Variants in ABCB11 observed in about 807,000 individuals in gnomAD.
ABCB11 encodes ATP binding cassette subfamily B member 11.
Under a neutral mutation model 148.0 loss-of-function variants are expected in ABCB11, and 95 were observed. The observed-to-expected ratio is 0.64, with a 90% CI of 0.54 to 0.76. ABCB11 has a LOEUF of 0.76. ABCB11 is among the 30% of genes least tolerant of loss of function. ABCB11 has a pLI of 0.00. For missense variants in ABCB11, 1,523 were observed against 1,617.8 expected (o/e 0.94, Z 1.01); for synonymous variants, 591 against 555.4 (o/e 1.06, Z -0.90).
chr2:168,923,328 T>G lies in ABCB11; in HGVS notation c.*294A>C, dbSNP rs1029157758. ...CCACATATTAATCAGGACTGGCTCCTGCACAGAGAAGCACTGAGTGGTGGC... is the reference window on the plus strand; with the variant it reads ...CCACATATTAATCAGGACTGGCTCCGGCACAGAGAAGCACTGAGTGGTGGC... On this transcript the variant is annotated 3_prime_UTR_variant, in exon 28 of 28. Transcript: ENST00000650372. 2 of 500,300 alleles carry G rather than the reference T, an allele frequency of 4.0e-6. No homozygotes were observed. The highest frequency in any genetic ancestry group is 7.2e-6 in the Non-Finnish European group (2 of 278,500). 31.0% of individuals were successfully genotyped at this position (500,300 alleles called of 1,614,324 possible).
At chr2:169,016,823 A>G (rs1695372488) in intron 2 of ABCB11, 24 bp from the exon 3 acceptor site, 2 of 1,568,544 alleles carry the variant, frequency 1.3e-6, no homozygotes, top group Non-Finnish European at 1.7e-6. Context: ...AAATCAACGC[A>G]AAAAAGCAGT....
chr2:168,962,182 A>G (rs1445856878), intron 18 of ABCB11, among the ~76,000 whole-genome samples: 1 of 151,666 alleles, frequency 6.6e-6, no homozygotes, highest in Middle Eastern at 3.2e-3. Flanking sequence ...CTTTAGTATA[A>G]TCACATTGGC....
At chr2:169,005,371 C>A (rs1183626371) in intron 5 of ABCB11, among the ~76,000 whole-genome samples, 2 of 151,996 alleles carry the variant, frequency 1.3e-5, no homozygotes, top group Admixed American at 6.6e-5. Context: ...GGGCTTGCTG[C>A]AGCTGCTGTG....
At chr2:168,972,796 G>C (rs1693643233) in intron 13 of ABCB11, among the ~76,000 whole-genome samples, 1 of 151,972 alleles carries the variant, frequency 6.6e-6, no homozygotes, top group Admixed American at 6.6e-5. Context: ...GAATAATTTT[G>C]AGACAGAGTG....
At chr2:168,987,025 T>C (rs1221857796) in intron 9 of ABCB11, among the ~76,000 whole-genome samples, 1 of 152,170 alleles carries the variant, frequency 6.6e-6, no homozygotes, top group Non-Finnish European at 1.5e-5. Flanking sequence ...AACACTACAC[T>C]GTCTCTTTTA....
At chr2:168,936,582 A>C in intron 21 of ABCB11, 149 bp from the exon 22 acceptor site, 1 of 731,160 alleles carries the variant, frequency 1.4e-6, no homozygotes, top group South Asian at 2.0e-5. Flanking sequence ...TGTACAATTC[A>C]GTGGCATTTC....
intron 19 of ABCB11, among the ~76,000 whole-genome samples, chr2:168,950,648 G>A (rs1692522463): frequency 6.6e-6 from 1 of 150,974 alleles, no homozygotes; most frequent in South Asian, 2.1e-4. Flanking sequence ...TGTTGCTTGA[G>A]TTGAGTTCCC....
intron 11 of ABCB11, among the ~76,000 whole-genome samples, chr2:168,977,037 A>G (rs974526615): frequency 1.3e-5 from 2 of 148,264 alleles, no homozygotes; most frequent in Non-Finnish European, 3.0e-5. Flanking sequence ...TAATTAATTT[A>G]TTTAATTGTT....
intron 11 of ABCB11, among the ~76,000 whole-genome samples, chr2:168,977,158 AAT>A (rs1247760704): frequency 6.7e-6 from 1 of 148,304 alleles, no homozygotes; most frequent in Non-Finnish European, 1.5e-5. Context: ...ATATGTTAAC[AAT>A]ATTATTATAT....
intron 18 of ABCB11, among the ~76,000 whole-genome samples, chr2:168,962,197 C>T (rs960592647): frequency 7.9e-5 from 12 of 151,638 alleles, no homozygotes; most frequent in African/African-American, 2.7e-4. Flanking sequence ...ATTGGCTCTC[C>T]TATCATTTTT....
chr2:168,964,420 G>T, intron 17 of ABCB11, 112 bp from the exon 18 acceptor site: 1 of 867,872 alleles, frequency 1.2e-6, no homozygotes, highest in Admixed American at 2.3e-5. Flanking sequence ...TGTTTGGTAG[G>T]TCACATGGTA....
In ABCB11 at chr2:168,921,563, C is replaced by G. The variant is rs1357620932; in HGVS notation, c.*2059G>C. Among the ~76,000 whole-genome samples the G allele has an allele frequency of 1.3e-5, 2 of 152,142 alleles. No homozygotes were observed. Among genetic ancestry groups the G allele is most frequent in the African/African-American group, 4.8e-5 (2 of 41,436 alleles). On this transcript the variant is annotated 3_prime_UTR_variant, in exon 28 of 28. Coordinates refer to ENST00000650372, the MANE Select transcript of ABCB11 (RefSeq NM_003742.4). ...ATATGTTCTCTTGACCCATTGAACA[C>G]ATTTATTACCATTTTTTGAGTGTTT...
intron 3 of ABCB11, among the ~76,000 whole-genome samples, chr2:169,016,146 C>T (rs1051118568): frequency 2.6e-5 from 4 of 152,146 alleles, no homozygotes; most frequent in Admixed American, 2.6e-4. Flanking sequence ...CAATAAGAAA[C>T]GTGTGGCTCT....
intron 11 of ABCB11, 75 bp from the exon 12 acceptor site, chr2:168,976,762 A>G: frequency 1.1e-6 from 1 of 890,398 alleles, no homozygotes; most frequent in Non-Finnish European, 1.8e-6. Flanking sequence ...TGTAAATTCA[A>G]ATAAACATCT....
intron 23 of ABCB11, 95 bp downstream of exon 23, chr2:168,935,089 G>GTC: frequency 6.6e-7 from 1 of 1,512,404 alleles, no homozygotes; most frequent in Non-Finnish European, 9.0e-7. Flanking sequence ...CCAAGCTTGG[G>GTC]ATGGTTTGCT....
At chr2:169,025,793 C>A (rs1695677080) in intron 1 of ABCB11, among the ~76,000 whole-genome samples, 1 of 152,210 alleles carries the variant, frequency 6.6e-6, no homozygotes, top group Admixed American at 6.5e-5. Flanking sequence ...TCAGTGAGCA[C>A]CAAGAATACA....
At chr2:169,009,016 C>A (rs1365448133) in intron 5 of ABCB11, among the ~76,000 whole-genome samples, 1 of 152,092 alleles carries the variant, frequency 6.6e-6, no homozygotes, top group Non-Finnish European at 1.5e-5. Flanking sequence ...AGAAGCCAAT[C>A]TCAAAGGATC....
At chr2:169,028,913 T>C (rs948529933) in intron 1 of ABCB11, among the ~76,000 whole-genome samples, 1 of 152,138 alleles carries the variant, frequency 6.6e-6, no homozygotes, top group African/African-American at 2.4e-5. Context: ...TTTTGAAACA[T>C]GTTGACCTTT....
chr2:168,936,417 A>C lies in ABCB11; in HGVS notation c.2627T>G (p.Ile876Ser), dbSNP rs2105899271. The C allele has an allele frequency of 6.2e-7, 1 of 1,613,916 alleles. No homozygotes were observed. Among genetic ancestry groups the C allele is most frequent in the East Asian group, 2.2e-5 (1 of 44,884 alleles). The stretch of plus-strand genomic sequence containing the variant: ...AGTGAAGGAATTGACTATCATCCCG[A>C]TCTGAGAGCCGGCAGCCTGCAAACC... ...SQVQGAAGSQ[I>S]GMIVNSFTNV... Residue 876 changes from isoleucine to serine, a missense_variant, in exon 22 of 28, where the codon ATC becomes AGC. Ile to Ser is a moderately radical substitution (Grantham distance 142). Transcript: ENST00000650372.
Sources: gnomAD v4.1 joint callset for allele counts (sites outside exome capture counted in the v4.1 genomes callset) on GRCh38, gnomAD v4.1.1 for gene constraint, MANE v1.5 for transcripts, NCBI Gene and HGNC (gene_info 2026-07-23, HGNC 2026-07-21) for gene names.